Variants in NFATC2 observed in about 807,000 individuals in gnomAD.
The protein encoded by NFATC2 is nuclear factor of activated T-cells, cytoplasmic 2.
Under a neutral mutation model 87.3 loss-of-function variants are expected in NFATC2, and 22 were observed. The ratio of observed to expected loss-of-function variants is 0.25; its 90% confidence interval spans 0.18 to 0.36. The LOEUF (loss-of-function observed/expected upper bound fraction) is 0.36, where lower values mean the gene tolerates loss of function less well. Among genes scored for constraint, NFATC2 ranks in the 10% least tolerant of loss-of-function variants. The pLI is 1.00. For missense variants in NFATC2, 1,149 were observed against 1,259.1 expected (o/e 0.91, Z 1.32); for synonymous variants, 565 against 542.2 (o/e 1.04, Z -0.58).
chr20:51,506,935 T>G (rs571072577), intron 3 of NFATC2, among the ~76,000 whole-genome samples: 1 of 152,094 alleles, frequency 6.6e-6, no homozygotes, highest in South Asian at 2.1e-4. Flanking sequence ...TGCCTGACCC[T>G]AGGTCCAGGA....
chr20:51,410,209 CA>C (rs386393961), intron 9 of NFATC2, among the ~76,000 whole-genome samples: 1,067 of 103,042 alleles, frequency 0.01, 3 homozygotes, highest in African/African-American at 0.041. Flanking sequence ...GACTCTGTCT[CA>C]AAAAAAAAAA....
chr20:51,472,201 G>A (rs529932791), intron 5 of NFATC2, among the ~76,000 whole-genome samples: 2 of 152,320 alleles, frequency 1.3e-5, no homozygotes, highest in African/African-American at 4.8e-5. Flanking sequence ...GTTGCAGTGA[G>A]CCAAGATCGC....
intron 9 of NFATC2, among the ~76,000 whole-genome samples, chr20:51,417,661 A>G (rs1697836928): frequency 6.6e-6 from 1 of 152,208 alleles, no homozygotes; most frequent in African/African-American, 2.4e-5. Flanking sequence ...TCTGGTTGAC[A>G]TTTGATGAAC....
chr20:51,423,747 T>C (rs1568955445), intron 9 of NFATC2, among the ~76,000 whole-genome samples: 1 of 152,204 alleles, frequency 6.6e-6, no homozygotes, highest in Non-Finnish European at 1.5e-5. Context: ...CACTTGGTCC[T>C]CTTTTTTAGG....
chr20:51,545,334 G>A (rs1370598430), upstream of NFATC2, among the ~76,000 whole-genome samples: 1 of 152,158 alleles, frequency 6.6e-6, no homozygotes, highest in African/African-American at 2.4e-5. Context: ...GTTCCTTGGG[G>A]AAACTACTCT....
In NFATC2 at chr20:51,414,776, G is replaced by A. The variant is rs190011775; in HGVS notation, c.2723-16046C>T. Among the ~76,000 whole-genome samples the A allele has an allele frequency of 2.6e-4, 40 of 152,154 alleles. No homozygotes were observed. In the East Asian group the frequency reaches 4.1e-3, roughly 15 times the overall value. On this transcript the variant is annotated intron_variant, in intron 9 of 10. Coordinates refer to ENST00000371564, the MANE Select transcript of NFATC2 (RefSeq NM_012340.5). ...AAGGTTTGGAGGCAAGAAAGCCTCC[G>A]CACAGCCGCAGTCATCCTCCCCTCA...
intron 3 of NFATC2, among the ~76,000 whole-genome samples, chr20:51,512,551 G>A (rs551829451): frequency 1.3e-5 from 2 of 152,250 alleles, no homozygotes; most frequent in South Asian, 4.2e-4. Flanking sequence ...CTTAAGGTTT[G>A]GGAACAAACT....
rs6063660 is a variant in NFATC2 at position 51,503,509 on chromosome 20, C to T, written c.1332+13275G>A. On this transcript the variant is annotated intron_variant, in intron 3 of 10. Transcript: ENST00000371564. ...CCATCTCAATGTACCACCATTTGCA[C>T]TGGGAGCTCATCCTCCTGGAGGAGG... 3.9e-5 allele frequency among the ~76,000 whole-genome samples: 6 copies of T among 152,202 alleles called. No homozygotes were observed. The East Asian group carries it at 1.2e-3, about 29-fold the overall frequency.
intron 9 of NFATC2, among the ~76,000 whole-genome samples, chr20:51,426,477 C>CAA (rs140465988): frequency 1.8e-4 from 16 of 87,974 alleles, no homozygotes; most frequent in South Asian, 1.0e-3. Flanking sequence ...GACTTTGTCT[C>CAA]AAAAAAAAAA....
intron 3 of NFATC2, among the ~76,000 whole-genome samples, chr20:51,498,364 G>A (rs1255699927): frequency 2.6e-5 from 4 of 152,230 alleles, no homozygotes; most frequent in African/African-American, 9.6e-5. Flanking sequence ...GACAGGCACT[G>A]TGCTTGGGAC....
chr20:51,427,665 C>T (rs951403409), intron 9 of NFATC2, among the ~76,000 whole-genome samples: 5 of 152,202 alleles, frequency 3.3e-5, no homozygotes, highest in African/African-American at 4.8e-5. Flanking sequence ...CCCACGTCTC[C>T]GAGTTCACGG....
intron 9 of NFATC2, among the ~76,000 whole-genome samples, chr20:51,400,009 C>CATG (rs1382366652): frequency 6.6e-6 from 1 of 152,118 alleles, no homozygotes; most frequent in Non-Finnish European, 1.5e-5. Flanking sequence ...CACCTGTTCC[C>CATG]ATGATGGGAA....
At chr20:51,457,194 G>C (rs973233535) in intron 5 of NFATC2, among the ~76,000 whole-genome samples, 1 of 152,256 alleles carries the variant, frequency 6.6e-6, no homozygotes, top group Admixed American at 6.5e-5. Context: ...TTAGCAGCAA[G>C]AGCAGCAGCT....
intron 9 of NFATC2, among the ~76,000 whole-genome samples, chr20:51,412,444 CCAGGGGGTGGGCA>C (rs1168018399): frequency 1.3e-5 from 2 of 152,186 alleles, no homozygotes; most frequent in Non-Finnish European, 2.9e-5. Context: ...TCCACACGGG[CCAGGGGGTGGGCA>C]GGAGCAGGGA....
chr20:51,420,807 A>C lies in NFATC2; in HGVS notation c.2722+11260T>G, dbSNP rs1980778752. ...TATTAAGGAAGTATTATTAATTTCC[A>C]TGTGTGCTAGTGGTCTTGTACTTTC... On this transcript the variant is annotated intron_variant, in intron 9 of 10. Coordinates refer to ENST00000371564, the MANE Select transcript of NFATC2 (RefSeq NM_012340.5). 5.3e-5 allele frequency among the ~76,000 whole-genome samples: 8 copies of C among 152,362 alleles called. No homozygotes were observed. The South Asian group carries it at 1.7e-3, about 32-fold the overall frequency.
chr20:51,499,667 C>T (rs113107161), intron 3 of NFATC2, among the ~76,000 whole-genome samples: 5,341 of 151,284 alleles, frequency 0.035, 299 homozygotes, highest in African/African-American at 0.12. Flanking sequence ...CGCTTGAATC[C>T]GGAGGCAGAT....
At chr20:51,491,736 C>T (rs1236488905) in intron 3 of NFATC2, among the ~76,000 whole-genome samples, 2 of 152,060 alleles carry the variant, frequency 1.3e-5, no homozygotes, top group East Asian at 1.9e-4. Context: ...CACTCCTGGG[C>T]ACCCATAGGT....
At chr20:51,556,058 A>T (rs895570096) in intron 1 of NFATC2, among the ~76,000 whole-genome samples, 3 of 152,316 alleles carry the variant, frequency 2.0e-5, no homozygotes, top group South Asian at 4.1e-4. Context: ...AGAGGAATCA[A>T]CGCACATGCA....
chr20:51,398,343 AAGG>A (rs1266497359), intron 10 of NFATC2, among the ~76,000 whole-genome samples: 2 of 152,046 alleles, frequency 1.3e-5, no homozygotes, highest in Non-Finnish European at 2.9e-5. Context: ...CAAAACCAAA[AAGG>A]AGCAGGCTCC....
Sources: allele counts gnomAD v4.1 joint callset (sites outside exome capture counted in the v4.1 genomes callset), GRCh38; gene constraint gnomAD v4.1.1; transcripts MANE v1.5; gene names NCBI Gene and HGNC (gene_info 2026-07-23, HGNC 2026-07-21).